DLC1: variants seen among roughly 807,000 people sequenced by gnomAD.
The protein encoded by DLC1 is DLC1 Rho GTPase activating protein, also known as rho GTPase-activating protein 7.
Under a neutral mutation model 140.3 loss-of-function variants are expected in DLC1, and 54 were observed. The ratio of observed to expected loss-of-function variants is 0.38; its 90% CI spans 0.31 to 0.48. The LOEUF (loss-of-function observed/expected upper bound fraction) is 0.48. Among genes scored for constraint, DLC1 ranks in the 20% least tolerant of loss-of-function variants. The pLI is 0.96. For synonymous variants in DLC1, 986 were observed against 728.1 expected (o/e 1.35, Z -5.70); for missense variants, 2,536 against 1,907.0 (o/e 1.33, Z -6.14).
At chr8:13,509,588 T>G (rs1467874009) in intron 1 of DLC1, among the ~76,000 whole-genome samples, 1 of 152,220 alleles carries the variant, frequency 6.6e-6, no homozygotes, top group Non-Finnish European at 1.5e-5. Context: ...TTCAATTAAT[T>G]AAGCACTTAT....
Position 13,195,383 on chromosome 8 carries a change from G to C in DLC1, c.1349-79726C>G, listed in dbSNP as rs148444309. Among the ~76,000 whole-genome samples the C allele has an allele frequency of 8.5e-5, 13 of 152,296 alleles. No individual in the cohort carries two copies. In the East Asian group the frequency reaches 2.5e-3, roughly 29 times the overall value. ...CATGTTCTTACAGGTAGCAACAGCC[G>C]CATCGACATTTTGAGCCTTCCTATA... On this transcript the variant is annotated intron_variant, in intron 5 of 17. Transcript: ENST00000276297.
intron 2 of DLC1, among the ~76,000 whole-genome samples, chr8:13,440,638 C>G (rs371338985): frequency 1.3e-5 from 2 of 151,956 alleles, no homozygotes; most frequent in East Asian, 1.9e-4. Flanking sequence ...GTGTCACCAC[C>G]CAAATCTCAA....
chr8:13,126,446 AACTATGC>A (rs1055608701), intron 5 of DLC1, among the ~76,000 whole-genome samples: 56 of 152,108 alleles, frequency 3.7e-4, no homozygotes, highest in African/African-American at 1.4e-3. Flanking sequence ...ATGCAGTTCA[AACTATGC>A]ACTAACAACA....
At chr8:13,241,258 G>C (rs1829532896) in intron 5 of DLC1, among the ~76,000 whole-genome samples, 1 of 152,166 alleles carries the variant, frequency 6.6e-6, no homozygotes, top group Non-Finnish European at 1.5e-5. Flanking sequence ...CCAGAGGTGA[G>C]AACTGCTTTC....
chr8:13,602,097 C>T (rs1282960201), intron 1 of DLC1, among the ~76,000 whole-genome samples: 1 of 151,856 alleles, frequency 6.6e-6, no homozygotes, highest in African/African-American at 2.4e-5. Flanking sequence ...CTGAGCAATT[C>T]TCTAGCCTCA....
intron 2 of DLC1, among the ~76,000 whole-genome samples, chr8:13,413,256 A>ATTTTTTTTTTTGTTTTTTTTTTTTTTT (rs1837876385): frequency 1.2e-5 from 1 of 82,004 alleles, no homozygotes; most frequent in Non-Finnish European, 2.3e-5. Context: ...TTTTTTTGCG[A>ATTTTTTTTTTTGTTTTTTTTTTTTTTT]TTTTTTTTTT....
chr8:13,237,350 A>G (rs1044796563), intron 5 of DLC1, among the ~76,000 whole-genome samples: 1 of 150,662 alleles, frequency 6.6e-6, no homozygotes, highest in African/African-American at 2.4e-5. Context: ...ATACACACAC[A>G]CACGTATATA....
At chr8:13,341,271 C>G (rs1053752186) in intron 4 of DLC1, 1 of 152,176 alleles carries the variant, frequency 6.6e-6, no homozygotes, top group Non-Finnish European at 1.5e-5. Context: ...AAAAGAACCA[C>G]TGGGAATTGT....
intron 1 of DLC1, among the ~76,000 whole-genome samples, chr8:13,547,943 G>A (rs573893060): frequency 6.6e-6 from 1 of 151,852 alleles, no homozygotes; most frequent in Non-Finnish European, 1.5e-5. Flanking sequence ...TCAAAATTCT[G>A]TTCAAGTTTA....
intron 4 of DLC1, among the ~76,000 whole-genome samples, chr8:13,381,555 T>G (rs755977396): frequency 2.6e-5 from 4 of 152,206 alleles, no homozygotes; most frequent in Non-Finnish European, 4.4e-5. Flanking sequence ...TGTCGTTGTC[T>G]CTTAGATTTT....
At chr8:13,570,401 C>T (rs1413848031) in intron 1 of DLC1, among the ~76,000 whole-genome samples, 1 of 147,188 alleles carries the variant, frequency 6.8e-6, no homozygotes, top group Non-Finnish European at 1.5e-5. Context: ...CCCACTAACT[C>T]GTCATCTAGC....
At chr8:13,148,444 C>A (rs1823586800) in intron 5 of DLC1, among the ~76,000 whole-genome samples, 1 of 152,182 alleles carries the variant, frequency 6.6e-6, no homozygotes, top group Non-Finnish European at 1.5e-5. Context: ...CATCCACATT[C>A]CCGCAAAAGA....
At chr8:13,459,096 C>A (rs1171555775) in intron 2 of DLC1, among the ~76,000 whole-genome samples, 2 of 152,066 alleles carry the variant, frequency 1.3e-5, no homozygotes, top group Non-Finnish European at 2.9e-5. Flanking sequence ...CCTAATGAAC[C>A]ATAGTTTGAT....
chr8:13,559,873 G>T (rs1008041122), intron 1 of DLC1, among the ~76,000 whole-genome samples: 1 of 152,044 alleles, frequency 6.6e-6, no homozygotes, highest in Non-Finnish European at 1.5e-5. Flanking sequence ...AGATTCCAAG[G>T]TCAGTGTTCA....
intron 3 of DLC1, among the ~76,000 whole-genome samples, chr8:13,397,027 C>T (rs1027679538): frequency 1.3e-5 from 2 of 151,532 alleles, no homozygotes; most frequent in Non-Finnish European, 2.9e-5. Context: ...CCCTATGCCT[C>T]CAGTTATGCC....
intron 10 of DLC1, among the ~76,000 whole-genome samples, chr8:13,096,657 T>C (rs77942731): frequency 2.0e-5 from 3 of 152,026 alleles, no homozygotes; most frequent in Admixed American, 6.5e-5. Context: ...AACTTCTGTA[T>C]TTAGCAAGGC....
At chr8:13,335,685 A>G (rs1358771625) in intron 4 of DLC1, among the ~76,000 whole-genome samples, 2 of 152,178 alleles carry the variant, frequency 1.3e-5, no homozygotes, top group Non-Finnish European at 2.9e-5. Flanking sequence ...AATGTATATT[A>G]CATATTATGC....
At chr8:13,301,212 A>G (rs1220938313) in intron 5 of DLC1, among the ~76,000 whole-genome samples, 1 of 150,716 alleles carries the variant, frequency 6.6e-6, no homozygotes, top group Non-Finnish European at 1.5e-5. Flanking sequence ...AGAGAATTTC[A>G]GTCTAATAGA....
intron 4 of DLC1, among the ~76,000 whole-genome samples, chr8:13,376,180 G>C (rs941252278): frequency 6.6e-6 from 1 of 152,086 alleles, no homozygotes; most frequent in African/African-American, 2.4e-5. Context: ...CTGTGTATTG[G>C]CTCCCATTTT....
Sources: gnomAD v4.1 joint callset for allele counts (sites outside exome capture counted in the v4.1 genomes callset) on GRCh38, gnomAD v4.1.1 for gene constraint, MANE v1.5 for transcripts, NCBI Gene and HGNC (gene_info 2026-07-23, HGNC 2026-07-21) for gene names.